MAP7: variants seen among roughly 807,000 people sequenced by gnomAD.
MAP7 encodes microtubule associated protein 7.
In MAP7, 52 loss-of-function variants were observed where a neutral mutation model predicts 94.8. The ratio of observed to expected loss-of-function variants is 0.55; its 90% CI spans 0.44 to 0.69. The LOEUF (loss-of-function observed/expected upper bound fraction) is 0.69. Ranked by LOEUF, MAP7 falls within the 30% of genes least tolerant of loss-of-function variation. The pLI is 0.00. For missense variants in MAP7, 940 were observed against 964.6 expected, an observed-to-expected ratio of 0.97 and a Z score of 0.34; for synonymous variants, 350 against 357.0, an observed-to-expected ratio of 0.98 and a Z score of 0.22.
rs1828418049 is a variant in MAP7, at chr6:136,530,785, T to C, written c.67+19557A>G. On this transcript the variant is annotated intron_variant, in intron 1 of 17. Coordinates refer to ENST00000354570, the MANE Select transcript of MAP7 (RefSeq NM_003980.6). ...GGCAGATTTGCTTTGATCTTCTTTA[T>C]TTGACCACTTTTTGTTAACAGGCAT... 1.4e-5 allele frequency among the ~76,000 whole-genome samples: 2 copies of C among 145,414 alleles called. 1 individual carries two copies. Among genetic ancestry groups the C allele is most frequent in the African/African-American group, 5.7e-5 (2 of 35,344 alleles).
In MAP7 at chr6:136,369,997, T is replaced by C. The variant is rs139645720; in HGVS notation, c.876+2504A>G. Among the ~76,000 whole-genome samples, 152 of 152,240 alleles carry C rather than the reference T, an allele frequency of 1.0e-3. 1 individual carries two copies. Among genetic ancestry groups the C allele is most frequent in the African/African-American group, 3.5e-3 (146 of 41,540 alleles). On this transcript the variant is annotated intron_variant, in intron 8 of 17. Coordinates refer to ENST00000354570, the MANE Select transcript of MAP7 (RefSeq NM_003980.6). ...ATCAGTAGAGTAAAAAGGCAACCTATGGAATAGAAGAAAGTATCTGTAAGT... is the reference window on the plus strand; with the variant it reads ...ATCAGTAGAGTAAAAAGGCAACCTACGGAATAGAAGAAAGTATCTGTAAGT...
chr6:136,416,217 C>A (rs1582848345), intron 2 of MAP7, among the ~76,000 whole-genome samples: 1 of 152,178 alleles, frequency 6.6e-6, no homozygotes, highest in Non-Finnish European at 1.5e-5. Context: ...CAACGAACAA[C>A]CTTAGCTAAC....
At chr6:136,370,914 T>A (rs1039962240) in intron 8 of MAP7, among the ~76,000 whole-genome samples, 48 of 152,276 alleles carry the variant, frequency 3.2e-4, no homozygotes, top group African/African-American at 1.1e-3. Context: ...GCTTTTTTTT[T>A]TTTTTAACAC....
intron 1 of MAP7, among the ~76,000 whole-genome samples, chr6:136,491,818 A>C (rs1191244049): frequency 6.6e-6 from 1 of 152,174 alleles, no homozygotes; most frequent in Admixed American, 6.5e-5. Flanking sequence ...TTGGTTTCAG[A>C]TTCTGATCTG....
At chr6:136,391,891 A>G (rs1780887571) in intron 3 of MAP7, among the ~76,000 whole-genome samples, 1 of 152,238 alleles carries the variant, frequency 6.6e-6, no homozygotes, top group South Asian at 2.1e-4. Context: ...TAATGACATT[A>G]AACATTTTAA....
rs536287845 is a variant in MAP7 at position 136,507,938 on chromosome 6, A to G, written c.67+42404T>C. Among the ~76,000 whole-genome samples the G allele has an allele frequency of 6.6e-5, 10 of 152,314 alleles. No individual in the cohort carries two copies. In the South Asian group the frequency reaches 1.7e-3, roughly 25 times the overall value. ...ACCACAACACACTGCAAGCTCCCTC[A>G]ATTCTACAAATTCTTTGACACACAT... is the stretch of plus-strand genomic sequence containing the variant. On this transcript the variant is annotated intron_variant, in intron 1 of 17. Transcript: ENST00000354570.
intron 1 of MAP7, among the ~76,000 whole-genome samples, chr6:136,442,149 T>A (rs139047593): frequency 1.3e-5 from 2 of 152,288 alleles, no homozygotes; most frequent in Non-Finnish European, 2.9e-5. Context: ...ATGCCTGTAA[T>A]TGCAGCACTT....
intron 3 of MAP7, among the ~76,000 whole-genome samples, chr6:136,410,958 G>A (rs917784114): frequency 7.9e-5 from 12 of 152,190 alleles, no homozygotes; most frequent in Admixed American, 6.5e-4. Flanking sequence ...TATATTTCAA[G>A]AGAGTATCCT....
intron 3 of MAP7, among the ~76,000 whole-genome samples, chr6:136,392,388 C>CTTTTT (rs11347286): frequency 1.2e-4 from 12 of 102,588 alleles, no homozygotes; most frequent in African/African-American, 1.8e-4. Context: ...CTGCATCTTG[C>CTTTTT]TTTTTTTTTT....
chr6:136,365,717 A>C lies in MAP7; in HGVS notation c.1273+18T>G, dbSNP rs1241768638. The C allele has an allele frequency of 3.1e-6, 5 of 1,609,678 alleles. No individual in the cohort carries two copies. Among genetic ancestry groups the C allele is most frequent in the Non-Finnish European group, 8.5e-7 (1 of 1,176,870 alleles). On this transcript the variant is annotated intron_variant, in intron 10 of 17. Coordinates refer to ENST00000354570, the MANE Select transcript of MAP7 (RefSeq NM_003980.6). ...GAAAAAGAGAGAGCACCCAGACCAC[A>C]GGTGAGTTTGCTCTTACCAGGGCCA...
intron 1 of MAP7, among the ~76,000 whole-genome samples, chr6:136,442,618 G>A (rs1182512881): frequency 2.6e-5 from 4 of 152,038 alleles, no homozygotes; most frequent in Non-Finnish European, 5.9e-5. Context: ...CTCCCTAAAG[G>A]ATTTTGATGT....
chr6:136,491,614 A>G (rs1329488264), intron 1 of MAP7, among the ~76,000 whole-genome samples: 1 of 152,140 alleles, frequency 6.6e-6, no homozygotes, highest in Non-Finnish European at 1.5e-5. Flanking sequence ...AACATAATAA[A>G]AGTAGAGCTT....
At chr6:136,352,400 G>T (rs1310903843) in intron 16 of MAP7, among the ~76,000 whole-genome samples, 1 of 152,000 alleles carries the variant, frequency 6.6e-6, no homozygotes, top group East Asian at 1.9e-4. Context: ...TGTTACTCAG[G>T]CTGGTCTCCA....
chr6:136,466,185 CAAAAT>C (rs1806981083), intron 1 of MAP7, among the ~76,000 whole-genome samples: 2 of 151,766 alleles, frequency 1.3e-5, no homozygotes, highest in African/African-American at 4.8e-5. Context: ...TAAAACAAAA[CAAAAT>C]AAAAAAATAA....
intron 1 of MAP7, among the ~76,000 whole-genome samples, chr6:136,437,266 G>T (rs1796623482): frequency 6.6e-6 from 1 of 152,170 alleles, no homozygotes; most frequent in Non-Finnish European, 1.5e-5. Context: ...ATCTCAGCCA[G>T]CCCAGGAGGC....
intron 1 of MAP7, chr6:136,525,707 T>C: frequency 1.0e-6 from 1 of 998,866 alleles, no homozygotes; most frequent in Non-Finnish European, 1.4e-6. Context: ...CAGCAAACCG[T>C]GCTAGGAGGT....
chr6:136,496,554 C>A (rs1287076322), intron 1 of MAP7, among the ~76,000 whole-genome samples: 1 of 151,950 alleles, frequency 6.6e-6, no homozygotes, highest in African/African-American at 2.4e-5. Flanking sequence ...TGGTAGTCCC[C>A]TACATGTGAA....
At chr6:136,512,157 GC>G (rs1823479245) in intron 1 of MAP7, among the ~76,000 whole-genome samples, 1 of 152,188 alleles carries the variant, frequency 6.6e-6, no homozygotes, top group South Asian at 2.1e-4. Context: ...ATGTTTAAAG[GC>G]CTAGACAGAC....
At chr6:136,445,811 C>A (rs1799157623) in intron 1 of MAP7, among the ~76,000 whole-genome samples, 1 of 152,206 alleles carries the variant, frequency 6.6e-6, no homozygotes, top group Non-Finnish European at 1.5e-5. Context: ...GTCAAACTAA[C>A]AGCTGCGTAA....
Sources: gnomAD v4.1 joint callset for allele counts (sites outside exome capture counted in the v4.1 genomes callset) on GRCh38, gnomAD v4.1.1 for gene constraint, MANE v1.5 for transcripts, NCBI Gene and HGNC (gene_info 2026-07-23, HGNC 2026-07-21) for gene names.